DNM3: variants seen among roughly 807,000 people sequenced by gnomAD.
DNM3 encodes dynamin 3, also known as dynamin-3.
DNM3 carries 47 observed loss-of-function variants against 101.6 expected under a neutral mutation model. The observed-to-expected ratio is 0.46, with a 90% confidence interval of 0.37 to 0.59. The LOEUF is 0.59. Ranked by LOEUF, DNM3 falls within the 20% of genes least tolerant of loss-of-function variation. DNM3 has a pLI of 0.00. For synonymous variants in DNM3, 385 were observed against 387.9 expected (o/e 0.99, Z 0.09); for missense variants, 849 against 1,085.7 (o/e 0.78, Z 3.06).
intron 2 of DNM3, among the ~76,000 whole-genome samples, chr1:171,945,854 A>T (rs375072648): frequency 6.6e-6 from 1 of 152,276 alleles, no homozygotes; most frequent in African/African-American, 2.4e-5. Context: ...ATTAGCAGTG[A>T]TACATATGGA....
intron 11 of DNM3, among the ~76,000 whole-genome samples, chr1:172,071,793 G>A (rs1241994910): frequency 1.3e-5 from 2 of 152,108 alleles, no homozygotes; most frequent in Admixed American, 6.6e-5. Flanking sequence ...GGCAACTACT[G>A]CTACCAGGGG....
rs114345892 is a variant in DNM3, at chr1:172,110,371, T to C, written c.1545+17496T>C. On this transcript the variant is annotated intron_variant, in intron 13 of 20. Transcript: ENST00000627582. ...CCACAGTTTTGTATATCTACTTGTT[T>C]AATGTCCATCTCCCCAATTTGACTA... is the stretch of plus-strand genomic sequence containing the variant. Among the ~76,000 whole-genome samples, 113 of 152,344 alleles carry C rather than the reference T, an allele frequency of 7.4e-4. 2 individuals carry two copies. The highest frequency in any genetic ancestry group is 2.5e-3 in the African/African-American group (103 of 41,578).
chr1:172,289,942 G>A (rs879870947), intron 15 of DNM3: 1 of 942,556 alleles, frequency 1.1e-6, no homozygotes, highest in Non-Finnish European at 1.3e-6. Context: ...TTATCTGTAA[G>A]GTAAAAGACA....
chr1:172,161,823 T>C (rs1157081600), intron 14 of DNM3, among the ~76,000 whole-genome samples: 1 of 152,058 alleles, frequency 6.6e-6, no homozygotes, highest in Non-Finnish European at 1.5e-5. Flanking sequence ...GAGACATAGA[T>C]TGAGCAAAAG....
chr1:172,093,856 G>C, intron 13 of DNM3: 1 of 735,230 alleles, frequency 1.4e-6, no homozygotes, highest in South Asian at 2.1e-5. Context: ...TGTCTTGTCC[G>C]TAACACCCTA....
chr1:172,192,250 A>C (rs562666740), intron 14 of DNM3, among the ~76,000 whole-genome samples: 1 of 152,198 alleles, frequency 6.6e-6, no homozygotes, highest in South Asian at 2.1e-4. Context: ...CTCTTGAGAT[A>C]ATCATGTGGT....
intron 10 of DNM3, among the ~76,000 whole-genome samples, chr1:172,055,450 A>G (rs1043332607): frequency 1.3e-5 from 2 of 151,916 alleles, no homozygotes; most frequent in Non-Finnish European, 2.9e-5. Context: ...CATGCACACC[A>G]TCGTTAATCT....
intron 8 of DNM3, 35 bp downstream of exon 8, chr1:172,042,179 C>A (rs1242603395): frequency 1.3e-6 from 2 of 1,559,612 alleles, no homozygotes; most frequent in African/African-American, 1.4e-5. Context: ...CTTAGTTTCA[C>A]TTCACTTCCA....
chr1:172,271,113 A>G (rs986372649), intron 15 of DNM3, among the ~76,000 whole-genome samples: 2 of 152,132 alleles, frequency 1.3e-5, no homozygotes, highest in African/African-American at 4.8e-5. Context: ...GAAGACCACA[A>G]AGAGCTTTTG....
chr1:171,916,031 G>T (rs1317132540), intron 1 of DNM3, among the ~76,000 whole-genome samples: 1 of 152,166 alleles, frequency 6.6e-6, no homozygotes, highest in Non-Finnish European at 1.5e-5. Context: ...AGTGCCAACT[G>T]TTCAGTCTAA....
intron 13 of DNM3, among the ~76,000 whole-genome samples, chr1:172,112,889 C>A (rs992541278): frequency 6.6e-6 from 1 of 152,216 alleles, no homozygotes; most frequent in Non-Finnish European, 1.5e-5. Context: ...AGTAAATATT[C>A]ATTAAGGGTT....
intron 14 of DNM3, among the ~76,000 whole-genome samples, chr1:172,141,397 A>T (rs1293163722): frequency 6.6e-6 from 1 of 152,020 alleles, no homozygotes; most frequent in Non-Finnish European, 1.5e-5. Context: ...ATGGTCTCTT[A>T]GTTATTATTT....
intron 14 of DNM3, among the ~76,000 whole-genome samples, chr1:172,233,161 A>G (rs2061403836): frequency 6.6e-6 from 1 of 152,196 alleles, no homozygotes; most frequent in African/African-American, 2.4e-5. Context: ...AAAGAAGAAA[A>G]CAGAGAAGAA....
chr1:172,051,065 A>G (rs1393627945), intron 10 of DNM3, among the ~76,000 whole-genome samples: 1 of 152,168 alleles, frequency 6.6e-6, no homozygotes, highest in Non-Finnish European at 1.5e-5. Flanking sequence ...AAAACATTTT[A>G]TAGTTTGCCT....
At chr1:172,356,200 G>A (rs1430754717) in intron 17 of DNM3, among the ~76,000 whole-genome samples, 2 of 152,090 alleles carry the variant, frequency 1.3e-5, no homozygotes, top group African/African-American at 4.8e-5. Flanking sequence ...TGTACTTTAG[G>A]AAGAAGGAAA....
chr1:172,301,686 A>G lies in DNM3; in HGVS notation c.1770-7042A>G, dbSNP rs1038746934. The stretch of plus-strand genomic sequence containing the variant: ...TTATCTAATATTAGGAGAAGGTTAA[A>G]TCATCATACATTTATATGAATGAAT... On this transcript the variant is annotated intron_variant, in intron 15 of 20. Transcript: ENST00000627582. Among the ~76,000 whole-genome samples the G allele has an allele frequency of 5.3e-5, 8 of 152,230 alleles. No individual in the cohort carries two copies. The South Asian group carries it at 1.0e-3, about 20-fold the overall frequency.
chr1:172,277,575 C>T (rs1317304477), intron 15 of DNM3, among the ~76,000 whole-genome samples: 1 of 151,674 alleles, frequency 6.6e-6, no homozygotes, highest in South Asian at 2.1e-4. Flanking sequence ...TACTGATGTA[C>T]AAAATTATGG....
intron 1 of DNM3, among the ~76,000 whole-genome samples, chr1:171,873,894 C>A (rs1006574880): frequency 6.6e-6 from 1 of 152,168 alleles, no homozygotes; most frequent in South Asian, 2.1e-4. Context: ...CTAATCCAAA[C>A]CAGAAGCACA....
intron 17 of DNM3, among the ~76,000 whole-genome samples, chr1:172,327,149 GA>G (rs1157386757): frequency 6.6e-6 from 1 of 152,118 alleles, no homozygotes; most frequent in Non-Finnish European, 1.5e-5. Context: ...AGAATGAAAG[GA>G]AAATTAGATG....
Sources: allele counts gnomAD v4.1 joint callset (sites outside exome capture counted in the v4.1 genomes callset), GRCh38; gene constraint gnomAD v4.1.1; transcripts MANE v1.5; gene names NCBI Gene and HGNC (gene_info 2026-07-23, HGNC 2026-07-21).